The following TNFAIP8 variants were observed in gnomAD, a reference collection of about 807,000 sequenced individuals.
The protein encoded by TNFAIP8 is TNF alpha induced protein 8.
TNFAIP8 carries 7 observed loss-of-function variants against 13.3 expected under a neutral mutation model. That is an observed-to-expected ratio of 0.52 (90% CI 0.30 to 0.99). The LOEUF is 0.99. Among genes scored for constraint, TNFAIP8 ranks in the 50% least tolerant of loss-of-function variants. The pLI is 0.07. For synonymous variants in TNFAIP8, 94 were observed against 87.6 expected (o/e 1.07, Z -0.41); for missense variants, 258 against 236.9 (o/e 1.09, Z -0.58).
At chr5:119,382,677 A>G (rs1752530106) in intron 1 of TNFAIP8, among the ~76,000 whole-genome samples, 1 of 152,224 alleles carries the variant, frequency 6.6e-6, no homozygotes, top group African/African-American at 2.4e-5. Flanking sequence ...CCATTTGCAG[A>G]TGAGGAAACT....
At chr5:119,359,396 C>T (rs1460274674) in intron 1 of TNFAIP8, among the ~76,000 whole-genome samples, 1 of 152,144 alleles carries the variant, frequency 6.6e-6, no homozygotes, top group Non-Finnish European at 1.5e-5. Context: ...TGCTGGCTCT[C>T]CCCACACTGC....
chr5:119,276,282 T>C (rs2150801110), intron 1 of TNFAIP8, among the ~76,000 whole-genome samples: 1 of 152,188 alleles, frequency 6.6e-6, no homozygotes, highest in Admixed American at 6.5e-5. Context: ...CACATCTGGC[T>C]AATTTTTGTA....
In TNFAIP8 at chr5:119,333,045, GT is replaced by G. The variant is rs11455212; in HGVS notation, c.2-59763del. 504 of 219,416 alleles carry G rather than the reference GT, an allele frequency of 2.3e-3. 4 individuals are homozygous for G. Among genetic ancestry groups the G allele is most frequent in the African/African-American group, 0.011 (463 of 41,990 alleles). The allele number at this position is 219,416 out of a possible 1,614,324, so 13.6% of individuals were successfully genotyped here. The stretch of plus-strand genomic sequence containing the variant: ...ATGTTTATACAGGTAGGAATGAGGT[GT>G]TTTTTTTATTTTCTTTTTTTCAGGC... On this transcript the variant is annotated intron_variant, in intron 1 of 1. Transcript: ENST00000274456.
intron 1 of TNFAIP8, among the ~76,000 whole-genome samples, chr5:119,297,204 G>A (rs1055447145): frequency 1.3e-5 from 2 of 151,794 alleles, no homozygotes; most frequent in Non-Finnish European, 2.9e-5. Flanking sequence ...TGTTAGGGTG[G>A]CAATTTTGGA....
At chr5:119,368,384 A>G (rs1304493048) in intron 1 of TNFAIP8, among the ~76,000 whole-genome samples, 1 of 151,312 alleles carries the variant, frequency 6.6e-6, no homozygotes, top group Non-Finnish European at 1.5e-5. Context: ...TTAAAAAAAA[A>G]AACCCACACT....
At chr5:119,366,268 G>C (rs1751854312) in intron 1 of TNFAIP8, among the ~76,000 whole-genome samples, 1 of 152,160 alleles carries the variant, frequency 6.6e-6, no homozygotes, top group African/African-American at 2.4e-5. Flanking sequence ...TGATTTTGCA[G>C]TTAACAGGAG....
chr5:119,294,657 C>T lies in TNFAIP8; in HGVS notation c.1+25750C>T, dbSNP rs1298580851. 2.0e-5 allele frequency among the ~76,000 whole-genome samples: 3 copies of T among 152,266 alleles called. No individual in the cohort carries two copies. The East Asian group carries it at 5.8e-4, about 29-fold the overall frequency. ...ATGGTAGAACTAGTTTACAGTCCCA[C>T]CAACAGTGGGACTCCACATCCTCTC... On this transcript the variant is annotated intron_variant, in intron 1 of 1. Transcript: ENST00000274456.
At chr5:119,372,518 C>A (rs1752120991) in intron 1 of TNFAIP8, among the ~76,000 whole-genome samples, 1 of 152,118 alleles carries the variant, frequency 6.6e-6, no homozygotes, top group Admixed American at 6.5e-5. Context: ...AATCATTTGA[C>A]TAAGTAAAAT....
intron 1 of TNFAIP8, among the ~76,000 whole-genome samples, chr5:119,364,123 C>T (rs1751738476): frequency 6.6e-6 from 1 of 152,196 alleles, no homozygotes; most frequent in Non-Finnish European, 1.5e-5. Flanking sequence ...CAGCCCGTCT[C>T]CCCTGCCCAG....
At chr5:119,377,402 GA>G (rs1204609232) in intron 1 of TNFAIP8, among the ~76,000 whole-genome samples, 1 of 145,224 alleles carries the variant, frequency 6.9e-6, no homozygotes, top group Non-Finnish European at 1.5e-5. Flanking sequence ...AATTAAATAA[GA>G]AGTAAAAAAA....
rs141789878 is a variant in TNFAIP8, at chr5:119,275,641, A to G, written c.1+6734A>G. On this transcript the variant is annotated intron_variant, in intron 1 of 1. Coordinates refer to the TNFAIP8 transcript ENST00000274456. Reference sequence around the variant, plus strand: ...ACAGACCATTTTTTTCTTTGAAGCCATGTTCTGTAACTTCCTCCTGCTTCT... The same window carrying G: ...ACAGACCATTTTTTTCTTTGAAGCCGTGTTCTGTAACTTCCTCCTGCTTCT... Among the ~76,000 whole-genome samples, 17 of 152,212 alleles carry G rather than the reference A, an allele frequency of 1.1e-4. No homozygotes were observed. The South Asian group carries it at 2.9e-3, about 26-fold the overall frequency.
At chr5:119,322,514 G>A (rs1750091525) in intron 1 of TNFAIP8, among the ~76,000 whole-genome samples, 1 of 152,204 alleles carries the variant, frequency 6.6e-6, no homozygotes, top group Non-Finnish European at 1.5e-5. Flanking sequence ...TGGAGAAGTT[G>A]AGCAGCCTCT....
At chr5:119,269,496 C>T (rs1286892601) in intron 1 of TNFAIP8, among the ~76,000 whole-genome samples, 1 of 152,126 alleles carries the variant, frequency 6.6e-6, no homozygotes, top group African/African-American at 2.4e-5. Flanking sequence ...CTGGAGCCCT[C>T]AGCACCTGCT....
At chr5:119,278,662 G>C (rs1219445888) in intron 1 of TNFAIP8, among the ~76,000 whole-genome samples, 1 of 152,062 alleles carries the variant, frequency 6.6e-6, no homozygotes, top group Non-Finnish European at 1.5e-5. Flanking sequence ...AGAAGCATCT[G>C]TACTAACCCT....
intron 1 of TNFAIP8, among the ~76,000 whole-genome samples, chr5:119,338,546 T>G (rs1458590819): frequency 6.6e-6 from 1 of 152,228 alleles, no homozygotes; most frequent in Non-Finnish European, 1.5e-5. Context: ...TGGCCTTTGT[T>G]GGACAGCAGG....
chr5:119,345,912 T>C (rs1043905587), intron 1 of TNFAIP8, among the ~76,000 whole-genome samples: 4 of 152,106 alleles, frequency 2.6e-5, no homozygotes, highest in African/African-American at 4.8e-5. Flanking sequence ...AAGAAAACTG[T>C]TAAGAAAAAG....
chr5:119,348,078 T>G (rs1486286358), intron 1 of TNFAIP8, among the ~76,000 whole-genome samples: 1 of 152,210 alleles, frequency 6.6e-6, no homozygotes, highest in Non-Finnish European at 1.5e-5. Flanking sequence ...TACAGTCAAG[T>G]AGGGCCCCTT....
chr5:119,373,836 C>G (rs1446496871), intron 1 of TNFAIP8, among the ~76,000 whole-genome samples: 1 of 152,150 alleles, frequency 6.6e-6, no homozygotes, highest in Non-Finnish European at 1.5e-5. Flanking sequence ...ACAGAGAATG[C>G]CTGCGTTTTG....
Position 119,324,274 on chromosome 5 carries a change from C to CAAAAAAAA in TNFAIP8, c.1+55400_1+55407dup, listed in dbSNP as rs56104829. On this transcript the variant is annotated intron_variant, in intron 1 of 1. Transcript: ENST00000274456. ...TGAGCCACAAAGCAAGACGCCATCT[C>CAAAAAAAA]AAAAAAAAAAAAAAAAAAAAAAAAA... Among the ~76,000 whole-genome samples the CAAAAAAAA allele has an allele frequency of 7.1e-4, 55 of 77,664 alleles. 1 individual carries two copies. The highest frequency in any genetic ancestry group is 1.1e-3 in the African/African-American group (22 of 20,634). 51.0% of individuals were successfully genotyped at this position (77,664 alleles called of 152,430 possible).
Sources: gnomAD v4.1 joint callset for allele counts (sites outside exome capture counted in the v4.1 genomes callset) on GRCh38, gnomAD v4.1.1 for gene constraint, MANE v1.5 for transcripts, NCBI Gene and HGNC (gene_info 2026-07-23, HGNC 2026-07-21) for gene names.